Variants in UGGT2 observed in about 807,000 individuals in gnomAD.
UGGT2 encodes UDP-glucose glycoprotein glucosyltransferase 2.
UGGT2 carries 180 observed loss-of-function variants against 192.1 expected under a neutral mutation model. That is an observed-to-expected ratio of 0.94 (90% CI 0.83 to 1.06). The LOEUF is 1.06. UGGT2 is among the 50% of genes least tolerant of loss of function. The pLI, the probability that UGGT2 is intolerant of heterozygous loss-of-function variation, is 0.00. For synonymous variants in UGGT2, 580 were observed against 591.0 expected (o/e 0.98, Z 0.27); for missense variants, 1,849 against 1,795.7 (o/e 1.03, Z -0.54).
intron 5 of UGGT2, among the ~76,000 whole-genome samples, chr13:96,009,093 A>G (rs891433923): frequency 3.3e-5 from 5 of 152,238 alleles, no homozygotes; most frequent in Non-Finnish European, 7.3e-5. Flanking sequence ...CAATGGGGAA[A>G]GAACTCCCTA....
At chr13:95,997,695 A>G (rs896363875) in intron 6 of UGGT2, among the ~76,000 whole-genome samples, 3 of 152,158 alleles carry the variant, frequency 2.0e-5, no homozygotes, top group African/African-American at 7.2e-5. Flanking sequence ...AAAGAAGTGA[A>G]GACAGCGGTA....
At chr13:95,825,144 G>T (rs1236033562) in intron 38 of UGGT2, among the ~76,000 whole-genome samples, 1 of 152,060 alleles carries the variant, frequency 6.6e-6, no homozygotes, top group Non-Finnish European at 1.5e-5. Flanking sequence ...AATTGTAATG[G>T]CAGAGGTCTC....
At chr13:96,050,583 T>G (rs1173460128) in intron 1 of UGGT2, among the ~76,000 whole-genome samples, 1 of 152,238 alleles carries the variant, frequency 6.6e-6, no homozygotes, top group Non-Finnish European at 1.5e-5. Context: ...TCTACCCATC[T>G]GACCAAGGGC....
intron 17 of UGGT2, among the ~76,000 whole-genome samples, chr13:95,930,513 C>G (rs892854497): frequency 6.6e-6 from 1 of 152,106 alleles, no homozygotes; most frequent in Non-Finnish European, 1.5e-5. Context: ...TTTATTGAAT[C>G]GAGGACCCTT....
At chr13:95,977,590 T>C (rs1039380116) in intron 10 of UGGT2, among the ~76,000 whole-genome samples, 7 of 152,184 alleles carry the variant, frequency 4.6e-5, no homozygotes, top group Admixed American at 1.3e-4. Context: ...TTTTACACTA[T>C]TGATGGGAAT....
chr13:95,854,729 T>C (rs1889410333), intron 34 of UGGT2, among the ~76,000 whole-genome samples: 1 of 152,188 alleles, frequency 6.6e-6, no homozygotes, highest in South Asian at 2.1e-4. Flanking sequence ...TATTTTGTTA[T>C]GTCATTTATA....
chr13:95,908,423 G>C (rs2048362263), intron 20 of UGGT2, among the ~76,000 whole-genome samples: 1 of 152,120 alleles, frequency 6.6e-6, no homozygotes, highest in Non-Finnish European at 1.5e-5. Flanking sequence ...TCCTCAAGAA[G>C]AACAACCCCA....
intron 12 of UGGT2, among the ~76,000 whole-genome samples, chr13:95,950,257 A>T (rs1279857693): frequency 6.6e-6 from 1 of 152,190 alleles, no homozygotes; most frequent in Non-Finnish European, 1.5e-5. Context: ...CCTCTACAAA[A>T]GCCAGAAGGA....
intron 36 of UGGT2, among the ~76,000 whole-genome samples, chr13:95,846,208 C>T (rs943727495): frequency 3.4e-4 from 51 of 152,184 alleles, no homozygotes; most frequent in Admixed American, 9.8e-4. Context: ...AGATCACTCA[C>T]GGTTAGGAGC....
At chr13:95,879,805 C>T (rs987811339) in intron 27 of UGGT2, among the ~76,000 whole-genome samples, 67 of 152,264 alleles carry the variant, frequency 4.4e-4, no homozygotes, top group African/African-American at 1.6e-3. Flanking sequence ...TCCATCTTCC[C>T]TTTATATTTT....
chr13:95,888,028 T>C, intron 25 of UGGT2, 57 bp from the exon 26 acceptor site: 1 of 1,207,552 alleles, frequency 8.3e-7, no homozygotes, highest in South Asian at 1.4e-5. Context: ...CTAATATTTA[T>C]TATGTATTTA....
chr13:95,937,265 C>CA (rs1405248510), intron 16 of UGGT2, among the ~76,000 whole-genome samples, 177 bp from the exon 17 acceptor site: 1 of 152,112 alleles, frequency 6.6e-6, no homozygotes, highest in Non-Finnish European at 1.5e-5. Context: ...TACAAGGAGT[C>CA]AAAAAACTTT....
At chr13:96,041,989 AC>A (rs2053177647) in intron 1 of UGGT2, among the ~76,000 whole-genome samples, 1 of 152,074 alleles carries the variant, frequency 6.6e-6, no homozygotes, top group East Asian at 1.9e-4. Flanking sequence ...TCCAGGGCCC[AC>A]CCACTGCCTG....
rs764963710 is a variant in UGGT2 at position 95,837,035 on chromosome 13, T to G, written c.4401+51A>C. On this transcript the variant is annotated intron_variant, in intron 37 of 38. Transcript: ENST00000376747. The stretch of plus-strand genomic sequence containing the variant: ...GTAAAACAGAAAGAAAATATTTCTA[T>G]TTAAACATTTCTGTATCTGCTTACA... 4 of 1,344,250 alleles carry G rather than the reference T, an allele frequency of 3.0e-6. No individual in the cohort carries two copies. The East Asian group carries it at 9.2e-5, about 31-fold the overall frequency. 83.3% of individuals were successfully genotyped at this position (1,344,250 alleles called of 1,614,324 possible).
intron 38 of UGGT2, among the ~76,000 whole-genome samples, chr13:95,803,623 G>A (rs1303398327): frequency 6.6e-6 from 1 of 152,070 alleles, no homozygotes; most frequent in Non-Finnish European, 1.5e-5. Context: ...GGGCTTTTGG[G>A]GTGGTGTACA....
intron 4 of UGGT2, among the ~76,000 whole-genome samples, chr13:96,020,076 T>C (rs1247088903): frequency 2.6e-5 from 4 of 152,202 alleles, no homozygotes; most frequent in African/African-American, 7.2e-5. Context: ...ATATACCTGA[T>C]ACCATGCTAG....
intron 24 of UGGT2, 36 bp downstream of exon 24, chr13:95,894,526 C>A: frequency 1.3e-6 from 2 of 1,552,400 alleles, no homozygotes; most frequent in Admixed American, 1.8e-5. Flanking sequence ...CATGCATTAA[C>A]AGAAAAATCA....
chr13:95,951,228 A>G lies in UGGT2; in HGVS notation c.1336-1774T>C, dbSNP rs148995083. Among the ~76,000 whole-genome samples the G allele has an allele frequency of 2.5e-3, 388 of 152,200 alleles. 5 individuals are homozygous for G. Among genetic ancestry groups the G allele is most frequent in the Admixed American group, 7.3e-3 (111 of 15,302 alleles). On this transcript the variant is annotated intron_variant, in intron 12 of 38. Transcript: ENST00000376747. ...GAAGACAAATCAATAAACAGATAAA[A>G]ATTACAAAAAGAACCAAATAAAAAT...
chr13:96,037,623 G>A (rs996092647), intron 1 of UGGT2, among the ~76,000 whole-genome samples: 1 of 152,188 alleles, frequency 6.6e-6, no homozygotes, highest in Non-Finnish European at 1.5e-5. Flanking sequence ...ATATCTGTGT[G>A]TGTGTGTATG....
Sources: gnomAD v4.1 joint callset for allele counts (sites outside exome capture counted in the v4.1 genomes callset) on GRCh38, gnomAD v4.1.1 for gene constraint, MANE v1.5 for transcripts, NCBI Gene and HGNC (gene_info 2026-07-23, HGNC 2026-07-21) for gene names.